The following CDK11B variants were observed in gnomAD, a reference collection of about 807,000 sequenced individuals.
CDK11B encodes cyclin dependent kinase 11B, also known as cyclin-dependent kinase 11B.
Under a neutral mutation model 84.0 loss-of-function variants are expected in CDK11B, and 37 were observed. That is an observed-to-expected ratio of 0.44 (90% CI 0.34 to 0.58). CDK11B has a LOEUF of 0.58. Ranked by LOEUF, CDK11B falls within the 20% of genes least tolerant of loss-of-function variation. The pLI is 0.02. For missense variants in CDK11B, 427 were observed against 834.0 expected, an observed-to-expected ratio of 0.51 and a Z score of 6.01; for synonymous variants, 269 against 309.8, an observed-to-expected ratio of 0.87 and a Z score of 1.38.
intron 6 of CDK11B, among the ~76,000 whole-genome samples, 166 bp downstream of exon 6, chr1:1,644,960 T>TCTG (rs1380500600): frequency 0.031 from 4,493 of 143,338 alleles, 232 homozygotes; most frequent in African/African-American, 0.12. Context: ...GCCACCGCAC[T>TCTG]CCAGCCTGGG....
chr1:1,650,189 G>C (rs1641771100), intron 4 of CDK11B, among the ~76,000 whole-genome samples: 1 of 140,480 alleles, frequency 7.1e-6, no homozygotes, highest in Admixed American at 7.3e-5. Flanking sequence ...AGAATAGCGT[G>C]AACCCAGGAG....
chr1:1,650,882 AG>A (rs1219035113), intron 4 of CDK11B, among the ~76,000 whole-genome samples: 1 of 152,100 alleles, frequency 6.6e-6, no homozygotes, highest in East Asian at 1.9e-4. Flanking sequence ...AGAAGAAAAA[AG>A]AAAAACAATT....
intron 11 of CDK11B, among the ~76,000 whole-genome samples, chr1:1,639,715 C>G (rs1160850138): frequency 6.6e-6 from 1 of 152,008 alleles, no homozygotes; most frequent in East Asian, 1.9e-4. Flanking sequence ...CCACAGGCAC[C>G]AAGGAGGGGG....
chr1:1,658,037 G>A (rs1444073500), intron 1 of CDK11B, among the ~76,000 whole-genome samples: 1 of 149,278 alleles, frequency 6.7e-6, no homozygotes, highest in Non-Finnish European at 1.5e-5. Flanking sequence ...AGCTGGGCGT[G>A]GTGGCGGGTG....
At chr1:1,653,274 C>T (rs1251387385) in intron 3 of CDK11B, among the ~76,000 whole-genome samples, 3 of 152,188 alleles carry the variant, frequency 2.0e-5, no homozygotes, top group East Asian at 1.9e-4. Flanking sequence ...CCACCCACCT[C>T]GGCCTCCCAA....
At chr1:1,655,291 G>A in intron 3 of CDK11B, 78 bp downstream of exon 3, 1 of 1,521,724 alleles carries the variant, frequency 6.6e-7, no homozygotes, top group Non-Finnish European at 8.9e-7. Flanking sequence ...GCACACAGTT[G>A]TCACAGCGAC....
intron 4 of CDK11B, among the ~76,000 whole-genome samples, chr1:1,650,662 G>A (rs1266688284): frequency 1.3e-4 from 16 of 123,848 alleles, no homozygotes; most frequent in African/African-American, 5.1e-4. Context: ...ACCGCGCCCG[G>A]CCTTTTTTTT....
At chr1:1,649,705 AGGCT>A in intron 4 of CDK11B, 68 bp from the exon 5 acceptor site, 3 of 1,512,736 alleles carry the variant, frequency 2.0e-6, no homozygotes, top group Non-Finnish European at 1.8e-6. Context: ...CCGGGCACGG[AGGCT>A]TATGCCTGTA....
intron 11 of CDK11B, among the ~76,000 whole-genome samples, chr1:1,639,295 T>C (rs1441311847): frequency 1.3e-5 from 2 of 151,764 alleles, no homozygotes; most frequent in Non-Finnish European, 2.9e-5. Context: ...CTTGCGCCTG[T>C]AGTTCCAGCT....
At chr1:1,657,902 TAAAAAAAAAA>T (rs768223103) in intron 1 of CDK11B, among the ~76,000 whole-genome samples, 1 of 86,324 alleles carries the variant, frequency 1.2e-5, no homozygotes, top group Admixed American at 1.3e-4. Flanking sequence ...AAGACTTGGT[TAAAAAAAAAA>T]AAAAAAAAAA....
intron 9 of CDK11B, among the ~76,000 whole-genome samples, chr1:1,641,319 G>A (rs1640261170): frequency 6.8e-6 from 1 of 147,354 alleles, no homozygotes; most frequent in Non-Finnish European, 1.5e-5. Flanking sequence ...GACCATCCTG[G>A]CCAACGTGGT....
intron 3 of CDK11B, 49 bp from the exon 4 acceptor site, chr1:1,652,615 A>G: frequency 3.0e-6 from 4 of 1,326,728 alleles, no homozygotes; most frequent in Non-Finnish European, 3.9e-6. Context: ...AAGTGCAAAG[A>G]AGCATCAGGC....
intron 2 of CDK11B, among the ~76,000 whole-genome samples, chr1:1,655,793 G>C (rs1386381762): frequency 1.3e-5 from 2 of 152,000 alleles, no homozygotes; most frequent in Non-Finnish European, 2.9e-5. Flanking sequence ...GTAGTGACCG[G>C]AACTGCTTGA....
chr1:1,655,570 T>A, intron 2 of CDK11B, 86 bp from the exon 3 acceptor site: 2 of 1,456,936 alleles, frequency 1.4e-6, no homozygotes, highest in South Asian at 1.4e-5. Flanking sequence ...TAATCAAACC[T>A]GGGCAACATC....
intron 11 of CDK11B, 107 bp downstream of exon 11, chr1:1,640,170 C>G: frequency 2.4e-6 from 3 of 1,265,254 alleles, no homozygotes; most frequent in South Asian, 1.5e-5. Context: ...GGCCCAGCAG[C>G]CCTGTGAGGC....
rs1438014663 is a variant in CDK11B at position 1,655,351 on chromosome 1, A to T, written c.227+18T>A. 3 of 1,612,220 alleles carry T rather than the reference A, an allele frequency of 1.9e-6. No homozygotes were observed. Among genetic ancestry groups the T allele is most frequent in the African/African-American group, 1.3e-5 (1 of 75,000 alleles). On this transcript the variant is annotated intron_variant, in intron 3 of 19. Transcript: ENST00000341832. ...GGCTGTGTACAGCTGGGTCTTGCAC[A>T]TCTGTACATCCGCTCACCTGTCTTC...
At position 1,643,618 on chromosome 1, in the gene CDK11B, G is replaced by A. The variant is rs1223680418; in HGVS notation, c.632-1110C>T. 3.4e-5 allele frequency among the ~76,000 whole-genome samples: 5 copies of A among 146,454 alleles called. No homozygotes were observed. In the East Asian group the frequency reaches 7.8e-4, roughly 23 times the overall value. ...GTGGAGAAAGTCAAGAAAATGACGC[G>A]TGAACACGACGGAAATATCAACAGA... On this transcript the variant is annotated intron_variant, in intron 6 of 19. Coordinates refer to ENST00000341832, the MANE Select transcript of CDK11B (RefSeq NM_033486.3).
At chr1:1,639,025 C>G (rs1204041057) in intron 11 of CDK11B, among the ~76,000 whole-genome samples, 2 of 150,274 alleles carry the variant, frequency 1.3e-5, no homozygotes, top group Non-Finnish European at 3.0e-5. Flanking sequence ...ACTGCAACCT[C>G]CACCTCCTGG....
In CDK11B at chr1:1,646,792, T is replaced by C. The variant is rs376082003; in HGVS notation, c.495-1530A>G. On this transcript the variant is annotated intron_variant, in intron 5 of 19. Transcript: ENST00000341832. ...TAGAACGGTTTTGATTCCTGGCTGA[T>C]GGTTCTTCTCTCTGAGCAGCTTGAG... The C allele has an allele frequency of 8.8e-5, 46 of 520,020 alleles. No individual in the cohort carries two copies. The East Asian group carries it at 9.3e-4, about 10-fold the overall frequency. The allele number at this position is 520,020 out of a possible 1,614,324, so 32.2% of individuals were successfully genotyped here.
Sources: gnomAD v4.1 joint callset for allele counts (sites outside exome capture counted in the v4.1 genomes callset) on GRCh38, gnomAD v4.1.1 for gene constraint, MANE v1.5 for transcripts, NCBI Gene and HGNC (gene_info 2026-07-23, HGNC 2026-07-21) for gene names.